Variants in CAST observed in about 807,000 individuals in gnomAD.
CAST encodes the protein MIR583 host.
A neutral mutation model predicts 119.6 loss-of-function variants in CAST; 76 were observed. That is an observed-to-expected ratio of 0.64 (90% CI 0.53 to 0.77). CAST has a LOEUF of 0.77. Ranked by LOEUF, CAST falls within the 30% of genes least tolerant of loss-of-function variation. The pLI is 0.00. For missense variants in CAST, 953 were observed against 946.5 expected, an observed-to-expected ratio of 1.01 and a Z score of -0.09; for synonymous variants, 319 against 331.6, an observed-to-expected ratio of 0.96 and a Z score of 0.41.
chr5:96,330,341 C>T, the CAST span, among the ~76,000 whole-genome samples: 1 of 152,160 alleles, frequency 6.6e-6, no homozygotes, highest in East Asian at 1.9e-4. Context: ...TTGGCTTCCC[C>T]CACCATCTCT....
chr5:96,388,579 A>G, the CAST span, among the ~76,000 whole-genome samples: 1 of 152,214 alleles, frequency 6.6e-6, no homozygotes, highest in Non-Finnish European at 1.5e-5. Flanking sequence ...CCAAGAAAGT[A>G]TACTCTGTCC....
the CAST span, among the ~76,000 whole-genome samples, chr5:96,140,016 G>A: frequency 1.3e-5 from 2 of 152,256 alleles, no homozygotes; most frequent in African/African-American, 2.4e-5. Context: ...ATTTCATATT[G>A]ATATTCAAAT....
the CAST span, among the ~76,000 whole-genome samples, chr5:96,497,889 G>T: frequency 1.3e-5 from 2 of 152,240 alleles, no homozygotes; most frequent in South Asian, 2.1e-4. Flanking sequence ...GTCAATTTTG[G>T]CTTTTGTTAC....
the CAST span, among the ~76,000 whole-genome samples, chr5:96,179,494 A>T: frequency 2.6e-5 from 4 of 152,168 alleles, no homozygotes; most frequent in Non-Finnish European, 5.9e-5. Context: ...CTAATACATC[A>T]TGTATCTTGA....
intron 3 of CAST, among the ~76,000 whole-genome samples, chr5:96,718,970 T>C (rs564948194): frequency 6.6e-6 from 1 of 152,062 alleles, no homozygotes; most frequent in Admixed American, 6.5e-5. Context: ...GCTGAATGGC[T>C]GGAGGGGAGG....
intron 1 of CAST, among the ~76,000 whole-genome samples, chr5:96,536,288 G>A (rs1284492014): frequency 6.6e-6 from 1 of 152,090 alleles, no homozygotes; most frequent in Non-Finnish European, 1.5e-5. Context: ...GAACCTGAGA[G>A]GTGGAGGTTA....
At chr5:96,451,296 A>C in the CAST span, among the ~76,000 whole-genome samples, 1 of 152,330 alleles carries the variant, frequency 6.6e-6, no homozygotes, top group East Asian at 1.9e-4. Flanking sequence ...TGAATGAATA[A>C]ATAAATAAGT....
chr5:96,683,358 CTTCT>C (rs1220986036), intron 2 of CAST, among the ~76,000 whole-genome samples: 5 of 152,154 alleles, frequency 3.3e-5, no homozygotes, highest in African/African-American at 9.7e-5. Flanking sequence ...GTTCTGCTCT[CTTCT>C]ATGAGAAAAT....
the CAST span, among the ~76,000 whole-genome samples, chr5:96,108,808 C>T: frequency 6.6e-6 from 1 of 152,232 alleles, no homozygotes; most frequent in Middle Eastern, 3.2e-3. Flanking sequence ...CAATGGCAGG[C>T]GCCCCTCCCC....
intron 1 of CAST, among the ~76,000 whole-genome samples, chr5:96,588,848 T>G (rs7718594): frequency 6.6e-6 from 1 of 152,056 alleles, no homozygotes; most frequent in East Asian, 1.9e-4. Flanking sequence ...ATTTACTTCA[T>G]ATAGAAAAAG....
the CAST span, chr5:96,423,469 A>G: frequency 6.0e-3 from 9,612 of 1,613,606 alleles, 57 homozygotes; most frequent in Non-Finnish European, 6.2e-3. Flanking sequence ...GCTGGTAAAG[A>G]AAAACAACGA....
At chr5:96,324,651 A>G in the CAST span, among the ~76,000 whole-genome samples, 1 of 152,192 alleles carries the variant, frequency 6.6e-6, no homozygotes, top group Admixed American at 6.5e-5. Flanking sequence ...CAAGGTTTTT[A>G]TTGTAACACT....
chr5:95,963,725 C>CTCTTTTTTTTTTTTTTTTTTTTTTTTTTT, the CAST span, among the ~76,000 whole-genome samples: 4 of 129,988 alleles, frequency 3.1e-5, no homozygotes, highest in African/African-American at 1.2e-4. Flanking sequence ...TTCTCTCTCT[C>CTCTTTTTTTTTTTTTTTTTTTTTTTTTTT]TTTTTTTTTT....
At chr5:96,060,424 TAG>T in the CAST span, among the ~76,000 whole-genome samples, 1 of 152,144 alleles carries the variant, frequency 6.6e-6, no homozygotes, top group African/African-American at 2.4e-5. Context: ...GTCACAATAG[TAG>T]AGTTTCCTGG....
At chr5:96,104,246 C>T in the CAST span, among the ~76,000 whole-genome samples, 1 of 152,126 alleles carries the variant, frequency 6.6e-6, no homozygotes, top group African/African-American at 2.4e-5. Flanking sequence ...TAATTACATC[C>T]CATTTGTCAA....
At chr5:96,440,387 C>T in the CAST span, among the ~76,000 whole-genome samples, 10 of 152,238 alleles carry the variant, frequency 6.6e-5, no homozygotes, top group South Asian at 4.1e-4. Context: ...GACCTACCCA[C>T]GCTGCAGCTG....
chr5:96,052,469 T>C, the CAST span, among the ~76,000 whole-genome samples: 2 of 152,214 alleles, frequency 1.3e-5, no homozygotes, highest in Non-Finnish European at 2.9e-5. Context: ...ATAGATTAAT[T>C]GGATGAAAGA....
At chr5:96,658,346 GAAATGGAA>G (rs1282577964), upstream of CAST, among the ~76,000 whole-genome samples, 2 of 152,034 alleles carry the variant, frequency 1.3e-5, no homozygotes, top group African/African-American at 4.8e-5. Context: ...AAAAAAAAAG[GAAATGGAA>G]AAATGGAAAA....
At chr5:96,360,170 T>C in the CAST span, among the ~76,000 whole-genome samples, 1 of 151,988 alleles carries the variant, frequency 6.6e-6, no homozygotes, top group African/African-American at 2.4e-5. Flanking sequence ...TCATGCTATG[T>C]TTTTAAGCAT....
Sources: gnomAD v4.1 joint callset for allele counts (sites outside exome capture counted in the v4.1 genomes callset) on GRCh38, gnomAD v4.1.1 for gene constraint, MANE v1.5 for transcripts, NCBI Gene and HGNC (gene_info 2026-07-23, HGNC 2026-07-21) for gene names.